SEMA3E: variants seen among roughly 807,000 people sequenced by gnomAD.
SEMA3E encodes the protein semaphorin 3E.
In SEMA3E, 49 loss-of-function variants were observed where a neutral mutation model predicts 93.6. The observed-to-expected ratio is 0.52, with a 90% CI of 0.42 to 0.66. SEMA3E has a LOEUF of 0.66. Ranked by LOEUF, SEMA3E falls within the 30% of genes least tolerant of loss-of-function variation. The pLI is 0.00. For missense variants in SEMA3E, 906 were observed against 964.8 expected (o/e 0.94, Z 0.81); for synonymous variants, 363 against 330.7 (o/e 1.10, Z -1.06).
intron 1 of SEMA3E, among the ~76,000 whole-genome samples, chr7:83,579,116 C>T (rs1007642943): frequency 2.6e-5 from 4 of 152,024 alleles, no homozygotes; most frequent in African/African-American, 9.7e-5. Context: ...TTTGCAGATA[C>T]ATGTTGAATT....
rs1198892174 is a variant in SEMA3E, at chr7:83,387,773, G to GA, written c.1668-724dup. Among the ~76,000 whole-genome samples, 5 of 146,600 alleles carry GA rather than the reference G, an allele frequency of 3.4e-5. 1 individual carries two copies. The highest frequency in any genetic ancestry group is 2.8e-4 in the Admixed American group (4 of 14,482). On this transcript the variant is annotated intron_variant, in intron 14 of 16. Transcript: ENST00000643230. ...TCATAGATTGTTTAGATATATAACT[G>GA]AAAAAAATACAATATTCTGTATCTG...
intron 16 of SEMA3E, among the ~76,000 whole-genome samples, chr7:83,370,855 C>T (rs184170650): frequency 6.6e-6 from 1 of 152,244 alleles, no homozygotes; most frequent in Admixed American, 6.5e-5. Flanking sequence ...CAAATGGATA[C>T]TAATTTACTC....
chr7:83,554,685 A>G (rs1360020591), intron 1 of SEMA3E, among the ~76,000 whole-genome samples: 1 of 152,120 alleles, frequency 6.6e-6, no homozygotes, highest in African/African-American at 2.4e-5. Flanking sequence ...CTTTAAAGAC[A>G]TGTGCTTCTC....
chr7:83,542,795 T>G (rs1278324713), intron 1 of SEMA3E, among the ~76,000 whole-genome samples: 1 of 152,162 alleles, frequency 6.6e-6, no homozygotes, highest in East Asian at 1.9e-4. Context: ...AGGGTTTAGG[T>G]AGTAATTTAT....
chr7:83,644,489 T>C (rs991627309), intron 1 of SEMA3E, among the ~76,000 whole-genome samples: 1 of 152,008 alleles, frequency 6.6e-6, no homozygotes, highest in East Asian at 1.9e-4. Context: ...TGCAAAAACA[T>C]TAATAATATA....
intron 8 of SEMA3E, 83 bp downstream of exon 8, chr7:83,405,862 C>G: frequency 9.3e-7 from 1 of 1,080,332 alleles, no homozygotes; most frequent in South Asian, 1.3e-5. Flanking sequence ...ACACAGAAAG[C>G]AAGTTTCTAT....
At chr7:83,570,262 A>G (rs1027043518) in intron 1 of SEMA3E, among the ~76,000 whole-genome samples, 5 of 152,180 alleles carry the variant, frequency 3.3e-5, no homozygotes, top group African/African-American at 1.2e-4. Flanking sequence ...ACCTTCATCA[A>G]GAAGTTAGAG....
chr7:83,609,636 G>C (rs1213514037), intron 1 of SEMA3E, among the ~76,000 whole-genome samples: 2 of 151,750 alleles, frequency 1.3e-5, no homozygotes, highest in African/African-American at 4.8e-5. Flanking sequence ...TATATATTGT[G>C]ATCAACGGTG....
rs138362497 is a variant in SEMA3E, at chr7:83,523,047, A to AT, written c.116-32774dup. 4.3e-3 allele frequency among the ~76,000 whole-genome samples: 656 copies of AT among 152,262 alleles called. 8 individuals are homozygous for AT. The highest frequency in any genetic ancestry group is 0.015 in the African/African-American group (631 of 41,564). On this transcript the variant is annotated intron_variant, in intron 1 of 16. Coordinates refer to ENST00000643230, the MANE Select transcript of SEMA3E (RefSeq NM_012431.3). Reference sequence around the variant, plus strand: ...AGCACAGGCTAATGGCAACACCAGCATAAGAACGGGGTGAATCCGAGGAAA... The same window carrying AT: ...AGCACAGGCTAATGGCAACACCAGCATTAAGAACGGGGTGAATCCGAGGAAA...
intron 1 of SEMA3E, among the ~76,000 whole-genome samples, chr7:83,586,663 G>T (rs1344775820): frequency 6.6e-6 from 1 of 151,552 alleles, no homozygotes; most frequent in East Asian, 2.0e-4. Context: ...AAGACAAGCA[G>T]AAGAAGGGAT....
intron 4 of SEMA3E, 122 bp downstream of exon 4, chr7:83,466,360 A>G (rs1789755306): frequency 8.3e-7 from 1 of 1,200,816 alleles, no homozygotes; most frequent in Admixed American, 1.8e-5. Flanking sequence ...GTCTCAAGCA[A>G]ACTGATTCAG....
chr7:83,465,179 C>T lies in SEMA3E; in HGVS notation c.456+1303G>A, dbSNP rs148371320. Among the ~76,000 whole-genome samples the T allele has an allele frequency of 5.8e-3, 875 of 152,040 alleles. 9 individuals are homozygous for T. Among genetic ancestry groups the T allele is most frequent in the African/African-American group, 0.02 (840 of 41,466 alleles). ...AAAAACACCTCCATTGAGCACCTTG[C>T]GACCCCCACTCCTGCCCACCAGAGA... On this transcript the variant is annotated intron_variant, in intron 4 of 16. Coordinates refer to ENST00000643230, the MANE Select transcript of SEMA3E (RefSeq NM_012431.3).
Position 83,394,283 on chromosome 7 carries a change from CA to C in SEMA3E, c.1500+13del. ...GAACACACACACCTACACACACACACACACAGAACTTACCCGCTTTGAAGAA... is the reference window on the plus strand; with the variant it reads ...GAACACACACACCTACACACACACACCACAGAACTTACCCGCTTTGAAGAA... On this transcript the variant is annotated intron_variant, in intron 13 of 16. Coordinates refer to ENST00000643230, the MANE Select transcript of SEMA3E (RefSeq NM_012431.3). 6 of 1,612,874 alleles carry C rather than the reference CA, an allele frequency of 3.7e-6. No individual in the cohort carries two copies. The highest frequency in any genetic ancestry group is 5.1e-6 in the Non-Finnish European group (6 of 1,179,454).
chr7:83,515,457 C>A (rs577477482), intron 1 of SEMA3E, among the ~76,000 whole-genome samples: 5 of 152,226 alleles, frequency 3.3e-5, no homozygotes, highest in South Asian at 2.1e-4. Flanking sequence ...TAACCTGTTG[C>A]CTTCTCATCC....
intron 1 of SEMA3E, among the ~76,000 whole-genome samples, chr7:83,535,911 C>A (rs1447887752): frequency 6.6e-6 from 1 of 152,014 alleles, no homozygotes; most frequent in Non-Finnish European, 1.5e-5. Context: ...GGTTAGGTGT[C>A]AAGAGTGAGA....
At chr7:83,626,422 G>A (rs931416952) in intron 1 of SEMA3E, among the ~76,000 whole-genome samples, 3 of 151,982 alleles carry the variant, frequency 2.0e-5, no homozygotes, top group African/African-American at 7.3e-5. Flanking sequence ...CTTCCTCCTG[G>A]TTTAATCTTG....
chr7:83,444,075 A>G (rs2115794268), intron 4 of SEMA3E, among the ~76,000 whole-genome samples: 3 of 152,286 alleles, frequency 2.0e-5, no homozygotes, highest in Middle Eastern at 6.8e-3. Flanking sequence ...TACAATTAAA[A>G]TCCAAATTAA....
chr7:83,638,531 A>G (rs1710351717), intron 1 of SEMA3E, among the ~76,000 whole-genome samples: 1 of 152,218 alleles, frequency 6.6e-6, no homozygotes, highest in Non-Finnish European at 1.5e-5. Context: ...TATTTAAATT[A>G]TGTGCTAAAT....
chr7:83,454,257 C>CAA (rs1157801830), intron 4 of SEMA3E, among the ~76,000 whole-genome samples: 1,052 of 44,748 alleles, frequency 0.024, 23 homozygotes, highest in East Asian at 0.049. Flanking sequence ...GACTCCGACT[C>CAA]AAAAAAAAAA....
Sources: gnomAD v4.1 joint callset for allele counts (sites outside exome capture counted in the v4.1 genomes callset) on GRCh38, gnomAD v4.1.1 for gene constraint, MANE v1.5 for transcripts, NCBI Gene and HGNC (gene_info 2026-07-23, HGNC 2026-07-21) for gene names.